CYP2C8: variants seen among roughly 807,000 people sequenced by gnomAD.
CYP2C8 encodes the protein cytochrome P450 2C8.
CYP2C8 carries 51 observed loss-of-function variants against 41.3 expected under a neutral mutation model. That is an observed-to-expected ratio of 1.24 (90% CI 0.99 to 1.56). CYP2C8 has a LOEUF of 1.56. CYP2C8 is among the 40% of genes most tolerant of loss of function. The probability of loss-of-function intolerance (pLI) is 0.00; values close to 1 mark genes in which losing one functional copy is unlikely to be tolerated. For missense variants in CYP2C8, 651 were observed against 579.9 expected (o/e 1.12, Z -1.26); for synonymous variants, 218 against 205.8 (o/e 1.06, Z -0.51).
At chr10:95,066,149 AGAGAGT>A (rs1221202091) in intron 3 of CYP2C8, among the ~76,000 whole-genome samples, 22 of 116,404 alleles carry the variant, frequency 1.9e-4, no homozygotes, top group Admixed American at 7.2e-4. Context: ...AGAGAGAGAG[AGAGAGT>A]GTGTGTGTGT....
chr10:95,046,046 C>T, intron 5 of CYP2C8, 95 bp from the exon 6 acceptor site: 1 of 1,405,308 alleles, frequency 7.1e-7, no homozygotes, highest in Non-Finnish European at 9.9e-7. Context: ...TAAAGTTAGC[C>T]AAAAGAGATA....
intron 5 of CYP2C8, among the ~76,000 whole-genome samples, chr10:95,057,862 C>G (rs924793055): frequency 6.6e-6 from 1 of 152,160 alleles, no homozygotes; most frequent in Admixed American, 6.6e-5. Flanking sequence ...TCCCACCACT[C>G]ACCTCTCCAC....
chr10:95,063,970 G>A (rs1056106846), intron 4 of CYP2C8, among the ~76,000 whole-genome samples: 11 of 152,158 alleles, frequency 7.2e-5, no homozygotes, highest in African/African-American at 2.2e-4. Context: ...AAATGTTGCT[G>A]CCCGATCGTT....
At chr10:95,066,153 A>AGAGAGAGAGTGTGTGTGT (rs1342809282) in intron 3 of CYP2C8, among the ~76,000 whole-genome samples, 1 of 88,286 alleles carries the variant, frequency 1.1e-5, no homozygotes, top group Non-Finnish European at 2.3e-5. Context: ...AGAGAGAGAG[A>AGAGAGAGAGTGTGTGTGT]GTGTGTGTGT....
At chr10:95,062,981 G>C (rs1022117009) in intron 4 of CYP2C8, among the ~76,000 whole-genome samples, 1 of 152,166 alleles carries the variant, frequency 6.6e-6, no homozygotes, top group Admixed American at 6.5e-5. Context: ...CTCTCTTCTG[G>C]CTTGTAGAGT....
intron 6 of CYP2C8, 108 bp from the exon 7 acceptor site, chr10:95,043,185 A>G (rs549591033): frequency 8.9e-5 from 84 of 939,742 alleles, no homozygotes; most frequent in Admixed American, 2.0e-4. Context: ...AACATTACAA[A>G]CATGAGTTAC....
At chr10:95,054,194 T>A (rs1026998167) in intron 5 of CYP2C8, among the ~76,000 whole-genome samples, 6 of 151,700 alleles carry the variant, frequency 4.0e-5, no homozygotes, top group Non-Finnish European at 5.9e-5. Flanking sequence ...TTAAAAAAAA[T>A]TAAGGATTAT....
Position 95,037,163 on chromosome 10 carries a change from G to A in CYP2C8, c.1438C>T (p.Pro480Ser). The change falls in exon 9 of 9, where the codon CCA becomes TCA. Residue 480 changes from proline to serine, a missense_variant. Physicochemically the swap from Pro to Ser is moderately conservative, Grantham distance 74. Coordinates refer to ENST00000371270, the MANE Select transcript of CYP2C8 (RefSeq NM_000770.3). ...ATGAAGCAGATCTGGTATGAGGGTG[G>A]CAGAGAAACAATCCCTTTGGTAACT... is the stretch of plus-strand genomic sequence containing the variant. ...TAVTKGIVSL[P>S]PSYQICFIPV 1.2e-6 allele frequency: 2 copies of A among 1,613,944 alleles called. No individual in the cohort carries two copies. Among genetic ancestry groups the A allele is most frequent in the Non-Finnish European group, 1.7e-6 (2 of 1,179,856 alleles).
chr10:95,042,149 C>T (rs1203918671), intron 7 of CYP2C8, among the ~76,000 whole-genome samples: 1 of 152,152 alleles, frequency 6.6e-6, no homozygotes, highest in East Asian at 1.9e-4. Context: ...CCTCTATCAC[C>T]AATTCTGTTC....
chr10:95,066,942 T>C (rs780170864), intron 3 of CYP2C8, among the ~76,000 whole-genome samples: 3 of 152,182 alleles, frequency 2.0e-5, no homozygotes, highest in Non-Finnish European at 4.4e-5. Context: ...TAATTTCTGA[T>C]TTGAAAACAA....
chr10:95,037,093 G>A lies in CYP2C8; in HGVS notation c.*35C>T. On this transcript the variant is annotated 3_prime_UTR_variant, in exon 9 of 9. Coordinates refer to ENST00000371270, the MANE Select transcript of CYP2C8 (RefSeq NM_000770.3). ...CCTTGATAAAAAAAGAGTTGCAGGT[G>A]ATAGCAGATCGGCAGCCAGATGGGC... is the stretch of plus-strand genomic sequence containing the variant. 1 of 1,592,542 alleles carries A rather than the reference G, an allele frequency of 6.3e-7. No individual in the cohort carries two copies.
At chr10:95,061,744 T>A (rs990446650) in intron 4 of CYP2C8, among the ~76,000 whole-genome samples, 3 of 152,252 alleles carry the variant, frequency 2.0e-5, no homozygotes, top group African/African-American at 7.2e-5. Flanking sequence ...GGTGTCAATT[T>A]TAGATCTTTC....
chr10:95,058,767 A>G (rs189885034), intron 4 of CYP2C8, among the ~76,000 whole-genome samples: 25 of 152,244 alleles, frequency 1.6e-4, no homozygotes, highest in Admixed American at 7.8e-4. Flanking sequence ...TACATTAGGT[A>G]TATCTCCCAA....
chr10:95,067,457 GC>G (rs771935485), intron 2 of CYP2C8, 71 bp downstream of exon 2: 16 of 1,612,940 alleles, frequency 9.9e-6, no homozygotes, highest in Non-Finnish European at 1.4e-5. Flanking sequence ...CTGCTGAGAA[GC>G]TTTTTAGGGC....
intron 5 of CYP2C8, among the ~76,000 whole-genome samples, chr10:95,049,704 T>C (rs757895365): frequency 7.2e-5 from 11 of 152,086 alleles, no homozygotes; most frequent in Non-Finnish European, 1.2e-4. Context: ...ATGTGAGTCC[T>C]GGTGCTGAAC....
chr10:95,056,230 G>A (rs1269641395), intron 5 of CYP2C8, among the ~76,000 whole-genome samples: 1 of 152,086 alleles, frequency 6.6e-6, no homozygotes, highest in African/African-American at 2.4e-5. Context: ...ACTTTGCACT[G>A]ACACAAAAAA....
At chr10:95,061,240 G>C (rs955983768) in intron 4 of CYP2C8, among the ~76,000 whole-genome samples, 2 of 152,172 alleles carry the variant, frequency 1.3e-5, no homozygotes, top group Non-Finnish European at 2.9e-5. Context: ...TTGTACCTCT[G>C]ATAGAATTTG....
intron 6 of CYP2C8, among the ~76,000 whole-genome samples, chr10:95,043,904 A>G (rs2033059648): frequency 6.6e-6 from 1 of 152,038 alleles, no homozygotes; most frequent in South Asian, 2.1e-4. Context: ...ACACATACAC[A>G]TTCTTCCTTG....
rs1412450302 is a variant in CYP2C8, at chr10:95,043,091, AG to A, written c.962-15del. On this transcript the variant is annotated splice_polypyrimidine_tract_variant and intron_variant, in intron 6 of 8. Coordinates refer to ENST00000371270, the MANE Select transcript of CYP2C8 (RefSeq NM_000770.3). ...CCTGGACTTTAGCTGACAAGACACA[AG>A]AAAGAACTGATGGAAACGAAGATAT... 1.2e-6 allele frequency: 2 copies of A among 1,613,828 alleles called. No individual in the cohort carries two copies. The highest frequency in any genetic ancestry group is 1.7e-6 in the Non-Finnish European group (2 of 1,179,684).
Sources: allele counts gnomAD v4.1 joint callset (sites outside exome capture counted in the v4.1 genomes callset), GRCh38; gene constraint gnomAD v4.1.1; transcripts MANE v1.5; gene names NCBI Gene and HGNC (gene_info 2026-07-23, HGNC 2026-07-21).